Variants in FOXP2 observed in about 807,000 individuals in gnomAD.
The protein encoded by FOXP2 is forkhead box P2.
In FOXP2, 12 loss-of-function variants were observed where a neutral mutation model predicts 115.8. The observed-to-expected ratio is 0.10, with a 90% confidence interval of 0.07 to 0.17. The LOEUF is 0.17. Ranked by LOEUF, FOXP2 falls within the 10% of genes least tolerant of loss-of-function variation. The pLI is 1.00. For synonymous variants in FOXP2, 328 were observed against 297.7 expected, an observed-to-expected ratio of 1.10 and a Z score of -1.05; for missense variants, 629 against 843.5, an observed-to-expected ratio of 0.75 and a Z score of 3.15.
intron 3 of FOXP2, among the ~76,000 whole-genome samples, chr7:114,619,334 A>T (rs1305604733): frequency 6.6e-6 from 1 of 152,144 alleles, no homozygotes; most frequent in Non-Finnish European, 1.5e-5. Context: ...TCAATCCGTA[A>T]GTCCAGTGTT....
At chr7:114,211,605 A>T (rs1284916592) in intron 1 of FOXP2, among the ~76,000 whole-genome samples, 1 of 152,216 alleles carries the variant, frequency 6.6e-6, no homozygotes, top group Non-Finnish European at 1.5e-5. Context: ...TGTGGACTGC[A>T]GCTGCTTCTG....
intron 1 of FOXP2, among the ~76,000 whole-genome samples, chr7:114,268,746 C>T (rs1034632042): frequency 7.3e-5 from 11 of 150,176 alleles, no homozygotes; most frequent in Admixed American, 2.7e-4. Context: ...GTGTATTTTC[C>T]GTTAATCGTT....
At chr7:114,600,356 A>G (rs945569874) in intron 3 of FOXP2, among the ~76,000 whole-genome samples, 2 of 152,126 alleles carry the variant, frequency 1.3e-5, no homozygotes, top group African/African-American at 2.4e-5. Context: ...ATGATAGATC[A>G]GTTTTTTTTC....
chr7:114,516,217 G>A (rs534022164), intron 2 of FOXP2, among the ~76,000 whole-genome samples: 3 of 152,224 alleles, frequency 2.0e-5, no homozygotes, highest in African/African-American at 7.2e-5. Context: ...CAGAGATATA[G>A]ATCAATGGAA....
upstream of FOXP2, among the ~76,000 whole-genome samples, chr7:114,410,987 G>A (rs1212583182): frequency 1.3e-5 from 2 of 152,086 alleles, no homozygotes; most frequent in African/African-American, 2.4e-5. Flanking sequence ...AGTAGATAGA[G>A]TATCTAACAT....
chr7:114,304,703 GC>G (rs1173191291), intron 2 of FOXP2, among the ~76,000 whole-genome samples: 1 of 147,890 alleles, frequency 6.8e-6, no homozygotes, highest in African/African-American at 2.5e-5. Flanking sequence ...AAAAGAGTGT[GC>G]ATGTGGAAAT....
intron 2 of FOXP2, among the ~76,000 whole-genome samples, chr7:114,385,816 T>A (rs900380792): frequency 1.3e-5 from 2 of 151,936 alleles, no homozygotes; most frequent in African/African-American, 4.8e-5. Flanking sequence ...CCCAAGATGG[T>A]GGCGAGCCAC....
rs1256659385 is a variant in FOXP2 at position 114,658,189 on chromosome 7, A to C, written c.1390A>C (p.Ile464Leu). ...CCCGATTACCCAGGGACCCTCAGTA[A>C]TCACCCCAGCCAGTGTGCCCAATGT... The part of the protein sequence containing the change: ...VTPITQGPSV[I>L]TPASVPNVGA... The change falls in exon 11 of 17, where the codon ATC becomes CTC. Residue 464 changes from isoleucine to leucine, a missense_variant. This residue lies in a region of FOXP2 where 101 missense variants were observed against 116.0 expected (regional missense o/e 0.87). Transcript: ENST00000350908. 3 of 1,613,666 alleles carry C rather than the reference A, an allele frequency of 1.9e-6. No individual in the cohort carries two copies. Among genetic ancestry groups the C allele is most frequent in the East Asian group, 4.5e-5 (2 of 44,844 alleles).
chr7:114,347,230 T>A (rs1791368760), intron 2 of FOXP2, among the ~76,000 whole-genome samples: 1 of 151,920 alleles, frequency 6.6e-6, no homozygotes, highest in South Asian at 2.1e-4. Context: ...TACTTTTGTT[T>A]TCTGGTGTGT....
chr7:114,176,232 T>TCTCTTTCCC (rs1562992727), intron 1 of FOXP2, among the ~76,000 whole-genome samples: 3 of 146,742 alleles, frequency 2.0e-5, no homozygotes, highest in African/African-American at 8.1e-5. Flanking sequence ...TTGTCTTGTC[T>TCTCTTTCCC]TTTCTTTCTT....
intron 1 of FOXP2, among the ~76,000 whole-genome samples, chr7:114,212,885 C>T (rs927848776): frequency 6.6e-6 from 1 of 152,164 alleles, no homozygotes. Context: ...TTGGTGCCAG[C>T]TTTGGCATCT....
intron 3 of FOXP2, among the ~76,000 whole-genome samples, chr7:114,618,398 A>C (rs927543614): frequency 2.0e-5 from 3 of 152,216 alleles, no homozygotes; most frequent in African/African-American, 7.2e-5. Flanking sequence ...AGACACAAAG[A>C]ATCTTATGAG....
intron 3 of FOXP2, among the ~76,000 whole-genome samples, chr7:114,596,127 G>A (rs573317167): frequency 6.6e-6 from 1 of 152,082 alleles, no homozygotes; most frequent in South Asian, 2.1e-4. Flanking sequence ...AGTACAGTTA[G>A]CAATTCTTTT....
chr7:114,630,187 G>A (rs537843337), intron 5 of FOXP2, among the ~76,000 whole-genome samples, 182 bp downstream of exon 5: 26 of 152,270 alleles, frequency 1.7e-4, no homozygotes, highest in Admixed American at 3.3e-4. Flanking sequence ...TGTAGCATGG[G>A]ACTTGAGAGT....
rs115128090 is a variant in FOXP2 at position 114,431,267 on chromosome 7, C to A, written c.168+4588C>A. On this transcript the variant is annotated intron_variant, in intron 2 of 16. Transcript: ENST00000350908. Reference sequence around the variant, plus strand: ...ATCCTTTCACATTTGTTATCTCTCGCCCAATTCCAGGGATGGGGCGCCTTT... The same window carrying A: ...ATCCTTTCACATTTGTTATCTCTCGACCAATTCCAGGGATGGGGCGCCTTT... 3.6e-3 allele frequency among the ~76,000 whole-genome samples: 546 copies of A among 151,980 alleles called. 5 individuals carry two copies. The highest frequency in any genetic ancestry group is 0.013 in the African/African-American group (522 of 41,524).
At chr7:114,293,266 C>G (rs1216493940) in intron 2 of FOXP2, among the ~76,000 whole-genome samples, 2 of 152,006 alleles carry the variant, frequency 1.3e-5, no homozygotes, top group Non-Finnish European at 2.9e-5. Context: ...CTTTCTTTCT[C>G]CCTCTCTCTT....
chr7:114,154,635 A>T (rs922232435), intron 1 of FOXP2, among the ~76,000 whole-genome samples: 4 of 152,146 alleles, frequency 2.6e-5, no homozygotes, highest in Non-Finnish European at 5.9e-5. Flanking sequence ...TGGACAACTT[A>T]TACAAAGAAT....
intron 3 of FOXP2, among the ~76,000 whole-genome samples, chr7:114,566,282 G>A (rs1801015072): frequency 6.6e-6 from 1 of 152,118 alleles, no homozygotes; most frequent in Admixed American, 6.6e-5. Context: ...CTTTTAAAAT[G>A]TAGACCACTC....
At chr7:114,271,000 C>T (rs1181410628) in intron 1 of FOXP2, among the ~76,000 whole-genome samples, 1 of 151,444 alleles carries the variant, frequency 6.6e-6, no homozygotes, top group Non-Finnish European at 1.5e-5. Context: ...TCTAGTTGTT[C>T]TAGCACCACA....
Sources: allele counts gnomAD v4.1 joint callset (sites outside exome capture counted in the v4.1 genomes callset), GRCh38; gene constraint gnomAD v4.1.1; regional missense constraint gnomAD v4.1.1; transcripts MANE v1.5; gene names NCBI Gene and HGNC (gene_info 2026-07-23, HGNC 2026-07-21).